The following HRH1 variants were observed in gnomAD, a reference collection of about 807,000 sequenced individuals.
The protein encoded by HRH1 is histamine receptor H1.
HRH1 carries 6 observed loss-of-function variants against 10.3 expected under a neutral mutation model. The observed-to-expected ratio is 0.58, with a 90% CI of 0.32 to 1.15. The LOEUF (loss-of-function observed/expected upper bound fraction) is 1.15. Among genes scored for constraint, HRH1 ranks in the 50% most tolerant of loss-of-function variants. The pLI, the probability that HRH1 is intolerant of heterozygous loss-of-function variation, is 0.05. For synonymous variants in HRH1, 242 were observed against 236.7 expected (o/e 1.02, Z -0.21); for missense variants, 514 against 615.3 (o/e 0.84, Z 1.74).
At chr3:11,181,627 CTTTTTTTTTT>C (rs35710248) in intron 1 of HRH1, among the ~76,000 whole-genome samples, 1 of 113,174 alleles carries the variant, frequency 8.8e-6, no homozygotes, top group Non-Finnish European at 1.7e-5. Flanking sequence ...ATCCCTTGCT[CTTTTTTTTTT>C]TTTTTTTTTT....
intron 1 of HRH1, among the ~76,000 whole-genome samples, chr3:11,257,892 A>C (rs113045650): frequency 6.4e-4 from 98 of 152,174 alleles, no homozygotes; most frequent in African/African-American, 2.1e-3. Context: ...TGATCATTCC[A>C]CCTTTAACTC....
intron 1 of HRH1, among the ~76,000 whole-genome samples, chr3:11,156,515 G>T (rs1399217847): frequency 6.6e-6 from 1 of 152,190 alleles, no homozygotes; most frequent in Non-Finnish European, 1.5e-5. Flanking sequence ...CCTTAGCAGA[G>T]AAAACACATA....
chr3:11,259,134 G>C lies in HRH1; in HGVS notation c.97G>C (p.Val33Leu). Residue 33 changes from valine to leucine, a missense_variant, in exon 2 of 2, where the codon GTC (valine) becomes CTC (leucine). Transcript: ENST00000431010. This position sits in a 1 kb window ranked among gnomAD's most constrained non-coding sequence, Gnocchi z 4.6. ...ASPQLMPLVV[V>L]LSTICLVTVG... Reference sequence around the variant, plus strand: ...CCCCCAGCTGATGCCCCTGGTGGTGGTCCTGAGCACTATCTGCTTGGTCAC... The same window carrying C: ...CCCCCAGCTGATGCCCCTGGTGGTGCTCCTGAGCACTATCTGCTTGGTCAC... 1 of 1,614,118 alleles carries C rather than the reference G, an allele frequency of 6.2e-7. No homozygotes were observed. The highest frequency in any genetic ancestry group is 8.5e-7 in the Non-Finnish European group (1 of 1,180,034).
At chr3:11,217,694 TTTAAAATGG>T (rs1938560125) in intron 1 of HRH1, among the ~76,000 whole-genome samples, 1 of 152,220 alleles carries the variant, frequency 6.6e-6, no homozygotes, top group South Asian at 2.1e-4. Context: ...ATCTGTACAC[TTTAAAATGG>T]TTAAAATGGT....
intron 1 of HRH1, among the ~76,000 whole-genome samples, chr3:11,189,862 A>G (rs1463718499): frequency 6.6e-6 from 1 of 152,192 alleles, no homozygotes; most frequent in Non-Finnish European, 1.5e-5. Context: ...AGGCACAAGA[A>G]TCGCTTCAAC....
At chr3:11,249,402 CAAAAAA>C (rs4037602) in intron 1 of HRH1, among the ~76,000 whole-genome samples, 2 of 71,878 alleles carry the variant, frequency 2.8e-5, no homozygotes, top group Admixed American at 1.8e-4. Context: ...GACTCTGTCT[CAAAAAA>C]AAAAAAAAAA....
At chr3:11,167,577 G>T (rs1022688517) in intron 1 of HRH1, among the ~76,000 whole-genome samples, 4 of 152,266 alleles carry the variant, frequency 2.6e-5, no homozygotes, top group Non-Finnish European at 4.4e-5. Flanking sequence ...TGTGATATCT[G>T]TAGTTCATGG....
chr3:11,222,301 A>G (rs1938734029), intron 1 of HRH1, among the ~76,000 whole-genome samples: 1 of 152,206 alleles, frequency 6.6e-6, no homozygotes, highest in Non-Finnish European at 1.5e-5. Flanking sequence ...AGCATTGAGC[A>G]GGTCCTCATG....
At chr3:11,146,585 G>A (rs756045052) in intron 1 of HRH1, among the ~76,000 whole-genome samples, 1 of 152,196 alleles carries the variant, frequency 6.6e-6, no homozygotes, top group Non-Finnish European at 1.5e-5. Context: ...AAGGGATGGG[G>A]GTAGGGTACA....
intron 1 of HRH1, among the ~76,000 whole-genome samples, chr3:11,236,169 A>T (rs992800325): frequency 3.9e-5 from 6 of 152,226 alleles, no homozygotes; most frequent in African/African-American, 2.4e-5. Context: ...AAAGCTTTTG[A>T]CACAGTGGCT....
At chr3:11,237,472 A>G (rs967290976) in intron 1 of HRH1, among the ~76,000 whole-genome samples, 3 of 152,076 alleles carry the variant, frequency 2.0e-5, no homozygotes, top group Non-Finnish European at 4.4e-5. Flanking sequence ...TAGTGCAGGC[A>G]CCAAGCCCTA....
At chr3:11,251,007 C>G (rs1939636909) in intron 1 of HRH1, among the ~76,000 whole-genome samples, 1 of 152,184 alleles carries the variant, frequency 6.6e-6, no homozygotes, top group Non-Finnish European at 1.5e-5. Context: ...GCATGAAGGG[C>G]TTAGACAGCA....
At position 11,203,101 on chromosome 3, in the gene HRH1, A is replaced by AT. The variant is rs567366763; in HGVS notation, c.-36+48549dup. Among the ~76,000 whole-genome samples, 26 of 152,286 alleles carry AT rather than the reference A, an allele frequency of 1.7e-4. No individual in the cohort carries two copies. The East Asian group carries it at 4.8e-3, about 28-fold the overall frequency. ...GCTTGATAGCTTATTTATTTTTAACATTGAATAGTATCTCATTATCTGGAT... is the reference window on the plus strand; with the variant it reads ...GCTTGATAGCTTATTTATTTTTAACATTTGAATAGTATCTCATTATCTGGAT... On this transcript the variant is annotated intron_variant, in intron 1 of 1. Coordinates refer to ENST00000431010, the MANE Select transcript of HRH1 (RefSeq NM_001098212.2).
chr3:11,237,546 G>T (rs1379738372), intron 1 of HRH1, among the ~76,000 whole-genome samples: 1 of 152,018 alleles, frequency 6.6e-6, no homozygotes, highest in Non-Finnish European at 1.5e-5. Context: ...AATTATTTTG[G>T]TGAGGTTACC....
intron 1 of HRH1, among the ~76,000 whole-genome samples, chr3:11,171,118 C>T (rs1444321453): frequency 7.5e-6 from 1 of 133,144 alleles, no homozygotes; most frequent in African/African-American, 3.6e-5. Flanking sequence ...GGTTTTTTTT[C>T]TTTTCTTTTT....
At chr3:11,201,018 C>T (rs1318652718) in intron 1 of HRH1, among the ~76,000 whole-genome samples, 2 of 152,194 alleles carry the variant, frequency 1.3e-5, no homozygotes, top group Non-Finnish European at 1.5e-5. Context: ...CTTTGAGGGC[C>T]TCTCCTCAGA....
At position 11,255,454 on chromosome 3, in the gene HRH1, A is replaced by T. The variant is rs535143236; in HGVS notation, c.-35-3549A>T. On this transcript the variant is annotated intron_variant, in intron 1 of 1. Transcript: ENST00000431010. ...CCGAGCAAAACAGTAAAAAATAAAA[A>T]TCCCTGAGACAATACTTCCTTAGCC... Among the ~76,000 whole-genome samples the T allele has an allele frequency of 2.0e-5, 3 of 152,212 alleles. No homozygotes were observed. In the South Asian group the frequency reaches 6.2e-4, roughly 32 times the overall value.
intron 1 of HRH1, among the ~76,000 whole-genome samples, chr3:11,165,920 A>G (rs1559257664): frequency 6.6e-6 from 1 of 152,190 alleles, no homozygotes; most frequent in East Asian, 1.9e-4. Flanking sequence ...AATGGTGTGT[A>G]CTGAGCGTCT....
At chr3:11,192,234 G>A (rs1162187138) in intron 1 of HRH1, among the ~76,000 whole-genome samples, 1 of 152,240 alleles carries the variant, frequency 6.6e-6, no homozygotes, top group Non-Finnish European at 1.5e-5. Flanking sequence ...GCGTCCCAGT[G>A]AAGAAAGAGA....
Sources: gnomAD v4.1 joint callset for allele counts (sites outside exome capture counted in the v4.1 genomes callset) on GRCh38, gnomAD v4.1.1 for gene constraint, Gnocchi (gnomAD v3.1) non-coding constraint, MANE v1.5 for transcripts, NCBI Gene and HGNC (gene_info 2026-07-23, HGNC 2026-07-21) for gene names.